Variants in UBE2H observed in about 807,000 individuals in gnomAD.
The protein encoded by UBE2H is ubiquitin-conjugating enzyme E2 H.
Under a neutral mutation model 29.0 loss-of-function variants are expected in UBE2H, and 3 were observed. That is an observed-to-expected ratio of 0.10 (90% CI 0.05 to 0.27). The LOEUF is 0.27. Among genes scored for constraint, UBE2H ranks in the 10% least tolerant of loss-of-function variants. The pLI is 1.00. For missense variants in UBE2H, 68 were observed against 228.2 expected, an observed-to-expected ratio of 0.30 and a Z score of 4.52; for synonymous variants, 69 against 82.9, an observed-to-expected ratio of 0.83 and a Z score of 0.91.
At chr7:129,942,849 T>G (rs1048726669) in intron 1 of UBE2H, among the ~76,000 whole-genome samples, 9 of 152,160 alleles carry the variant, frequency 5.9e-5, no homozygotes, top group Non-Finnish European at 1.0e-4. Context: ...GTGTTTTTTT[T>G]TTTGTTTTTT....
intron 1 of UBE2H, among the ~76,000 whole-genome samples, chr7:129,925,575 G>C (rs1807250011): frequency 6.6e-6 from 1 of 152,114 alleles, no homozygotes; most frequent in Non-Finnish European, 1.5e-5. Context: ...TCAAAACCCC[G>C]ATTGTATTCA....
intron 3 of UBE2H, among the ~76,000 whole-genome samples, chr7:129,864,227 C>T (rs1302943452): frequency 6.6e-6 from 1 of 152,262 alleles, no homozygotes; most frequent in East Asian, 1.9e-4. Flanking sequence ...ATGATGCCAA[C>T]AATGGAACTC....
intron 3 of UBE2H, among the ~76,000 whole-genome samples, chr7:129,866,732 T>C (rs1372431505): frequency 6.6e-6 from 1 of 152,214 alleles, no homozygotes; most frequent in Non-Finnish European, 1.5e-5. Flanking sequence ...GTAACTGATG[T>C]AACAATACAT....
At chr7:129,943,392 A>G (rs13241892) in intron 1 of UBE2H, among the ~76,000 whole-genome samples, 3 of 152,232 alleles carry the variant, frequency 2.0e-5, no homozygotes, top group South Asian at 4.1e-4. Flanking sequence ...GCTAACAAAA[A>G]TATTTCACAA....
chr7:129,945,067 T>C (rs933651414), intron 1 of UBE2H, among the ~76,000 whole-genome samples: 2 of 151,720 alleles, frequency 1.3e-5, no homozygotes, highest in African/African-American at 2.4e-5. Context: ...TTCTAGAAAA[T>C]GTAAAATAAT....
chr7:129,885,501 T>C (rs565845596), intron 1 of UBE2H, among the ~76,000 whole-genome samples: 1 of 150,954 alleles, frequency 6.6e-6, no homozygotes, highest in Non-Finnish European at 1.5e-5. Flanking sequence ...CCTTCCATTT[T>C]GCGGTTTGTT....
chr7:129,881,003 C>A (rs1373432319), intron 1 of UBE2H, 32 bp from the exon 2 acceptor site: 1 of 1,593,856 alleles, frequency 6.3e-7, no homozygotes, highest in Admixed American at 1.8e-5. Flanking sequence ...ATTACACAGG[C>A]TTTACAGTAT....
At chr7:129,890,429 G>C (rs980427058) in intron 1 of UBE2H, among the ~76,000 whole-genome samples, 1 of 151,876 alleles carries the variant, frequency 6.6e-6, no homozygotes, top group African/African-American at 2.4e-5. Flanking sequence ...GCCCAGGCTA[G>C]AATGCAATGG....
At chr7:129,844,221 A>T (rs1182324365) in intron 5 of UBE2H, among the ~76,000 whole-genome samples, 1 of 152,216 alleles carries the variant, frequency 6.6e-6, no homozygotes, top group East Asian at 1.9e-4. Context: ...TTGGGTGAAG[A>T]TGACAACTTC....
chr7:129,934,951 G>A (rs1807493373), intron 1 of UBE2H, among the ~76,000 whole-genome samples: 1 of 150,376 alleles, frequency 6.6e-6, no homozygotes, highest in Non-Finnish European at 1.5e-5. Context: ...ATATATGTGT[G>A]TGTGTGTATA....
intron 3 of UBE2H, among the ~76,000 whole-genome samples, chr7:129,868,388 G>A (rs1456651922): frequency 5.3e-5 from 8 of 151,436 alleles, no homozygotes; most frequent in Non-Finnish European, 1.2e-4. Context: ...AGACCATCCT[G>A]GCTAACAAGG....
chr7:129,884,551 T>C (rs989823352), intron 1 of UBE2H, among the ~76,000 whole-genome samples: 39 of 152,018 alleles, frequency 2.6e-4, no homozygotes, highest in African/African-American at 8.7e-4. Flanking sequence ...ATGGAAACGG[T>C]CTAAACATTT....
At chr7:129,935,067 C>T (rs1238943422) in intron 1 of UBE2H, among the ~76,000 whole-genome samples, 1 of 150,816 alleles carries the variant, frequency 6.6e-6, no homozygotes, top group Non-Finnish European at 1.5e-5. Flanking sequence ...TAAAAATAAA[C>T]ATATGTATAT....
Position 129,831,740 on chromosome 7 carries a change from C to G in UBE2H, c.*3197G>C, listed in dbSNP as rs1475995115. Reference sequence around the variant, plus strand: ...AGCCAAATGTCAGTGTCTAAGATGGCTACCACTGACCCTGTGCCCAAAAGC... The same window carrying G: ...AGCCAAATGTCAGTGTCTAAGATGGGTACCACTGACCCTGTGCCCAAAAGC... On this transcript the variant is annotated 3_prime_UTR_variant, in exon 7 of 7. Coordinates refer to ENST00000355621, the MANE Select transcript of UBE2H (RefSeq NM_003344.4). 6.6e-6 allele frequency: 1 copy of G among 152,202 alleles called. No homozygotes were observed. The highest frequency in any genetic ancestry group is 2.4e-5 in the African/African-American group (1 of 41,426). 9.4% of individuals were successfully genotyped at this position (152,202 alleles called of 1,614,324 possible). A position where few individuals can be genotyped will look rare whatever the true frequency, so the allele number is the denominator to read the frequency against.
intron 3 of UBE2H, among the ~76,000 whole-genome samples, chr7:129,862,785 G>A (rs539801807): frequency 1.8e-4 from 28 of 152,296 alleles, no homozygotes; most frequent in Middle Eastern, 3.4e-3. Flanking sequence ...CCCTTTTAAG[G>A]ACACTGGCTT....
chr7:129,919,553 C>A (rs550337419), intron 1 of UBE2H, among the ~76,000 whole-genome samples: 48 of 152,278 alleles, frequency 3.2e-4, no homozygotes, highest in African/African-American at 1.2e-3. Flanking sequence ...CTCCCCTCCA[C>A]CCGGAATGCC....
intron 1 of UBE2H, among the ~76,000 whole-genome samples, chr7:129,901,290 G>T (rs1203071040): frequency 3.3e-5 from 5 of 152,176 alleles, no homozygotes; most frequent in Admixed American, 6.5e-5. Context: ...AGGCAGTCTA[G>T]TTCAAGTCTG....
chr7:129,871,684 A>C (rs1236217333), intron 3 of UBE2H, among the ~76,000 whole-genome samples: 1 of 151,270 alleles, frequency 6.6e-6, no homozygotes, highest in Non-Finnish European at 1.5e-5. Context: ...ATTGCACTCC[A>C]GCCTGCACAA....
At chr7:129,907,234 C>T (rs1440219091) in intron 1 of UBE2H, among the ~76,000 whole-genome samples, 1 of 152,044 alleles carries the variant, frequency 6.6e-6, no homozygotes, top group Non-Finnish European at 1.5e-5. Flanking sequence ...CTCCAAAAAA[C>T]ACCTCTGGAA....
Sources: gnomAD v4.1 joint callset for allele counts (sites outside exome capture counted in the v4.1 genomes callset) on GRCh38, gnomAD v4.1.1 for gene constraint, MANE v1.5 for transcripts, NCBI Gene and HGNC (gene_info 2026-07-23, HGNC 2026-07-21) for gene names.